Variants in OPCML observed in about 807,000 individuals in gnomAD.
OPCML encodes the protein opioid binding protein/cell adhesion molecule like.
Under a neutral mutation model 37.8 loss-of-function variants are expected in OPCML, and 13 were observed. The observed-to-expected ratio is 0.34, with a 90% CI of 0.22 to 0.55. OPCML has a LOEUF of 0.55. Among genes scored for constraint, OPCML ranks in the 20% least tolerant of loss-of-function variants. The probability of loss-of-function intolerance (pLI) is 0.91; values close to 1 mark genes in which losing one functional copy is unlikely to be tolerated. For synonymous variants in OPCML, 176 were observed against 168.8 expected, an observed-to-expected ratio of 1.04 and a Z score of -0.33; for missense variants, 341 against 435.6, an observed-to-expected ratio of 0.78 and a Z score of 1.93.
intron 1 of OPCML, among the ~76,000 whole-genome samples, chr11:133,329,130 T>C (rs896793850): frequency 5.9e-5 from 9 of 152,102 alleles, no homozygotes; most frequent in African/African-American, 1.7e-4. Context: ...TTACAAGGGA[T>C]GTGAAGGACC....
chr11:132,625,522 T>C (rs180831747), intron 3 of OPCML, among the ~76,000 whole-genome samples: 344 of 152,310 alleles, frequency 2.3e-3, no homozygotes, highest in African/African-American at 7.8e-3. Flanking sequence ...AACAGCTCTG[T>C]TCATCCCCTC....
rs74471285 is a variant in OPCML at position 133,226,267 on chromosome 11, G to A, written c.62-283257C>T. Among the ~76,000 whole-genome samples the A allele has an allele frequency of 2.3e-3, 347 of 152,354 alleles. 1 individual carries two copies. The highest frequency in any genetic ancestry group is 8.2e-3 in the African/African-American group (343 of 41,584). On this transcript the variant is annotated intron_variant, in intron 1 of 7. Coordinates refer to ENST00000524381, the MANE Select transcript of OPCML (RefSeq NM_001012393.5). ...CTGGAGTAGACTTGGAGGACACAGG[G>A]TTAACCTCATTTTTGGCTCTTGCCC... is the stretch of plus-strand genomic sequence containing the variant.
chr11:133,341,056 T>C (rs1246920300), intron 1 of OPCML, among the ~76,000 whole-genome samples: 2 of 152,178 alleles, frequency 1.3e-5, no homozygotes, highest in Non-Finnish European at 2.9e-5. Flanking sequence ...TAGGTGTGTA[T>C]TTATTAACTC....
chr11:133,194,491 T>C (rs939211333), intron 1 of OPCML, among the ~76,000 whole-genome samples: 1 of 152,170 alleles, frequency 6.6e-6, no homozygotes, highest in Non-Finnish European at 1.5e-5. Flanking sequence ...ATTACAGGCA[T>C]GAGCCACTGC....
intron 1 of OPCML, chr11:133,008,576 C>A (rs1010522585): frequency 5.8e-6 from 2 of 345,830 alleles, no homozygotes; most frequent in Non-Finnish European, 8.1e-6. Context: ...TGGACAAAAG[C>A]TGCCTCATTC....
intron 3 of OPCML, among the ~76,000 whole-genome samples, chr11:132,549,145 G>A (rs934069024): frequency 2.0e-5 from 3 of 152,146 alleles, no homozygotes; most frequent in African/African-American, 4.8e-5. Context: ...TGGTAAAGAC[G>A]CCGGCCAAAA....
intron 1 of OPCML, among the ~76,000 whole-genome samples, chr11:132,991,176 T>G (rs1946768323): frequency 6.6e-6 from 1 of 152,172 alleles, no homozygotes; most frequent in South Asian, 2.1e-4. Flanking sequence ...TCCCCATAAT[T>G]TAGCTATTAT....
At chr11:133,189,065 TTC>T (rs1484624749) in intron 1 of OPCML, among the ~76,000 whole-genome samples, 2 of 152,092 alleles carry the variant, frequency 1.3e-5, no homozygotes, top group African/African-American at 4.8e-5. Flanking sequence ...ATCTTCCCCA[TTC>T]TCTCTCTGGT....
At chr11:132,793,587 G>A (rs576132970) in intron 2 of OPCML, among the ~76,000 whole-genome samples, 1 of 152,264 alleles carries the variant, frequency 6.6e-6, no homozygotes, top group South Asian at 2.1e-4. Flanking sequence ...GAGATGATTT[G>A]AGGGTGTCTA....
intron 1 of OPCML, among the ~76,000 whole-genome samples, chr11:133,058,073 C>A (rs1369370684): frequency 6.6e-6 from 1 of 152,202 alleles, no homozygotes; most frequent in Non-Finnish European, 1.5e-5. Context: ...GTACCTGGCA[C>A]AGAGCTTGTT....
At chr11:132,857,683 C>T (rs1023507279) in intron 2 of OPCML, among the ~76,000 whole-genome samples, 2 of 152,256 alleles carry the variant, frequency 1.3e-5, no homozygotes, top group East Asian at 1.9e-4. Context: ...TGTCATTCTT[C>T]TCATTAATGT....
chr11:132,609,753 G>C (rs1042712679), intron 3 of OPCML, among the ~76,000 whole-genome samples: 10 of 151,988 alleles, frequency 6.6e-5, no homozygotes, highest in African/African-American at 1.9e-4. Flanking sequence ...ATATACCTCT[G>C]CGTTAATGCT....
chr11:132,416,124 AT>A lies in OPCML; in HGVS notation c.*4068del, dbSNP rs776312287. ...TGTTGGAGAAAAAGAAAATAAATGC[AT>A]TTTTTCCAAAAAGAAAAACCTTATG... On this transcript the variant is annotated 3_prime_UTR_variant, in exon 8 of 8. Transcript: ENST00000524381. 2.0e-5 allele frequency: 3 copies of A among 152,170 alleles called. No homozygotes were observed. Among genetic ancestry groups the A allele is most frequent in the Non-Finnish European group, 4.4e-5 (3 of 68,012 alleles). The allele number at this position is 152,170 out of a possible 1,614,324, so 9.4% of individuals were successfully genotyped here.
At chr11:132,437,109 T>C in intron 5 of OPCML, 113 bp downstream of exon 5, 1 of 1,488,856 alleles carries the variant, frequency 6.7e-7, no homozygotes, top group Non-Finnish European at 9.0e-7. Flanking sequence ...TGAAGTATTT[T>C]CCTGTTGGCA....
chr11:132,775,007 G>A (rs982869816), intron 2 of OPCML, among the ~76,000 whole-genome samples: 20 of 152,190 alleles, frequency 1.3e-4, no homozygotes, highest in African/African-American at 2.4e-4. Context: ...AGGGACTGCC[G>A]TCAGAATGAA....
At chr11:132,474,683 T>G (rs925462402) in intron 4 of OPCML, among the ~76,000 whole-genome samples, 1 of 152,160 alleles carries the variant, frequency 6.6e-6, no homozygotes, top group Admixed American at 6.5e-5. Context: ...TTGCTATCCA[T>G]CATTCATATA....
chr11:133,452,575 G>A (rs1175623601), intron 1 of OPCML, among the ~76,000 whole-genome samples: 2 of 151,492 alleles, frequency 1.3e-5, no homozygotes, highest in African/African-American at 4.9e-5. Context: ...CACTTTGGGG[G>A]CCGAAGTAGG....
intron 1 of OPCML, among the ~76,000 whole-genome samples, chr11:132,978,624 T>C (rs1357051694): frequency 1.3e-5 from 2 of 152,162 alleles, no homozygotes; most frequent in African/African-American, 4.8e-5. Flanking sequence ...ATGGCAAGGC[T>C]TTATAACCAA....
chr11:133,486,585 C>A (rs1405714736), intron 1 of OPCML, among the ~76,000 whole-genome samples: 2 of 152,118 alleles, frequency 1.3e-5, no homozygotes, highest in African/African-American at 4.8e-5. Flanking sequence ...TTCCTCAGAG[C>A]TCTCTTAGCA....
Sources: allele counts gnomAD v4.1 joint callset (sites outside exome capture counted in the v4.1 genomes callset), GRCh38; gene constraint gnomAD v4.1.1; transcripts MANE v1.5; gene names NCBI Gene and HGNC (gene_info 2026-07-23, HGNC 2026-07-21).